The following PHACTR1 variants were observed in gnomAD, a reference collection of about 807,000 sequenced individuals.
The protein encoded by PHACTR1 is phosphatase and actin regulator 1.
Under a neutral mutation model 69.2 loss-of-function variants are expected in PHACTR1, and 16 were observed. That is an observed-to-expected ratio of 0.23 (90% CI 0.16 to 0.35). The LOEUF is 0.35. Among genes scored for constraint, PHACTR1 ranks in the 10% least tolerant of loss-of-function variants. The pLI, the probability that PHACTR1 is intolerant of heterozygous loss-of-function variation, is 1.00. For missense variants in PHACTR1, 510 were observed against 734.7 expected (o/e 0.69, Z 3.54); for synonymous variants, 312 against 284.5 (o/e 1.10, Z -0.97).
chr6:12,733,258 C>A (rs931079446), intron 3 of PHACTR1, among the ~76,000 whole-genome samples: 1 of 152,190 alleles, frequency 6.6e-6, no homozygotes, highest in African/African-American at 2.4e-5. Flanking sequence ...TTAATTAGCT[C>A]ATTTTACAGG....
chr6:12,985,076 T>C (rs985167429), intron 4 of PHACTR1, among the ~76,000 whole-genome samples: 10 of 152,242 alleles, frequency 6.6e-5, no homozygotes, highest in African/African-American at 2.4e-4. Context: ...TACAATTTCA[T>C]CCAACTGAAA....
chr6:13,021,143 C>T (rs1338379183), intron 4 of PHACTR1, among the ~76,000 whole-genome samples: 7 of 152,130 alleles, frequency 4.6e-5, no homozygotes, highest in African/African-American at 1.7e-4. Flanking sequence ...ACTCTGTTCC[C>T]CTTAACCTAT....
chr6:13,044,605 G>A (rs956620959), intron 4 of PHACTR1, among the ~76,000 whole-genome samples: 2 of 152,128 alleles, frequency 1.3e-5, no homozygotes, highest in African/African-American at 4.8e-5. Flanking sequence ...AGTGCGAGGA[G>A]AGGAGGAGTG....
At chr6:13,121,645 A>G (rs1322528920) in intron 5 of PHACTR1, among the ~76,000 whole-genome samples, 3 of 152,186 alleles carry the variant, frequency 2.0e-5, no homozygotes, top group Admixed American at 6.5e-5. Flanking sequence ...AAGGGACTCA[A>G]GGTACATTTT....
chr6:12,908,268 A>G (rs1785971582), intron 4 of PHACTR1, among the ~76,000 whole-genome samples: 1 of 152,212 alleles, frequency 6.6e-6, no homozygotes, highest in African/African-American at 2.4e-5. Flanking sequence ...TTGCTTCTCC[A>G]GACCAAACTT....
At chr6:13,149,751 A>G (rs1403559215) in intron 5 of PHACTR1, among the ~76,000 whole-genome samples, 4 of 152,090 alleles carry the variant, frequency 2.6e-5, no homozygotes, top group Non-Finnish European at 5.9e-5. Flanking sequence ...CCTGGGCCAC[A>G]TGCAGCCCAA....
chr6:13,177,047 A>G (rs1364092385), intron 6 of PHACTR1, among the ~76,000 whole-genome samples: 1 of 151,850 alleles, frequency 6.6e-6, no homozygotes, highest in Non-Finnish European at 1.5e-5. Flanking sequence ...CTTCCTTCAT[A>G]CAATATTTTA....
intron 5 of PHACTR1, among the ~76,000 whole-genome samples, chr6:13,076,208 A>G (rs1429572364): frequency 2.0e-5 from 3 of 152,198 alleles, no homozygotes; most frequent in Admixed American, 2.0e-4. Flanking sequence ...AGCACACACT[A>G]ATGGAAGAAA....
intron 4 of PHACTR1, among the ~76,000 whole-genome samples, chr6:12,782,412 C>T (rs2127645705): frequency 6.6e-6 from 1 of 152,180 alleles, no homozygotes; most frequent in East Asian, 1.9e-4. Flanking sequence ...AATGTCAGGC[C>T]ATAAGGAGGC....
chr6:12,987,780 C>T (rs979727776), intron 4 of PHACTR1, among the ~76,000 whole-genome samples: 23 of 152,158 alleles, frequency 1.5e-4, no homozygotes, highest in African/African-American at 4.6e-4. Flanking sequence ...TTTAGAAGGG[C>T]GAAGATTTGC....
At chr6:12,844,634 T>G (rs1216965696) in intron 4 of PHACTR1, among the ~76,000 whole-genome samples, 1 of 152,098 alleles carries the variant, frequency 6.6e-6, no homozygotes, top group Non-Finnish European at 1.5e-5. Flanking sequence ...AATTTATTAC[T>G]ATCTGCAAAC....
At chr6:13,226,954 T>G (rs1397335970) in intron 8 of PHACTR1, among the ~76,000 whole-genome samples, 1 of 152,136 alleles carries the variant, frequency 6.6e-6, no homozygotes, top group African/African-American at 2.4e-5. Flanking sequence ...GCCAGGATGG[T>G]CTCGATCTCT....
rs1311928498 is a variant in PHACTR1 at position 13,271,844 on chromosome 6, T to C, written c.1392-1016T>C. 2.0e-5 allele frequency among the ~76,000 whole-genome samples: 3 copies of C among 152,142 alleles called. No homozygotes were observed. The East Asian group carries it at 5.8e-4, about 29-fold the overall frequency. ...GGATCTCTCTTTAGATTTCAAGATG[T>C]GAACATCTTGCCGACTATAGACACC... On this transcript the variant is annotated intron_variant, in intron 10 of 14. Transcript: ENST00000332995.
At position 13,286,241 on chromosome 6, in the gene PHACTR1, T is replaced by C. The variant is rs768613490; in HGVS notation, c.1727+19T>C. On this transcript the variant is annotated intron_variant, in intron 14 of 14. Coordinates refer to ENST00000332995, the MANE Select transcript of PHACTR1 (RefSeq NM_030948.6). ...TAACAAGGTTAGTATTAAGGGTTTT[T>C]TTTTTCCTTTTTTTCCCTCAAGTTG... The C allele has an allele frequency of 1.3e-6, 2 of 1,522,720 alleles. No homozygotes were observed. The highest frequency in any genetic ancestry group is 1.4e-5 in the African/African-American group (1 of 71,212). 94.3% of individuals were successfully genotyped at this position (1,522,720 alleles called of 1,614,324 possible). A position where few individuals can be genotyped will look rare whatever the true frequency, so the allele number is the denominator to read the frequency against.
Position 12,845,428 on chromosome 6 carries a change from CA to C in PHACTR1, c.250+95639del, listed in dbSNP as rs1229604792. On this transcript the variant is annotated intron_variant, in intron 4 of 14. Coordinates refer to ENST00000332995, the MANE Select transcript of PHACTR1 (RefSeq NM_030948.6). ...CCAAGATGTCATTGTGAACACCACC[CA>C]CCCCCCCCCCCCCCGCCCTCCGTGC... Among the ~76,000 whole-genome samples, 164 of 34,606 alleles carry C rather than the reference CA, an allele frequency of 4.7e-3. 1 individual carries two copies. Among genetic ancestry groups the C allele is most frequent in the African/African-American group, 0.013 (120 of 9,494 alleles). The allele number at this position is 34,606 out of a possible 152,430, so 22.7% of individuals were successfully genotyped here.
chr6:12,749,624 C>A lies in PHACTR1; in HGVS notation c.104-20C>A. 1 of 1,593,814 alleles carries A rather than the reference C, an allele frequency of 6.3e-7. No homozygotes were observed. The highest frequency in any genetic ancestry group is 8.6e-7 in the Non-Finnish European group (1 of 1,169,204). On this transcript the variant is annotated intron_variant, in intron 3 of 14. Coordinates refer to ENST00000332995, the MANE Select transcript of PHACTR1 (RefSeq NM_030948.6). ...CCTTCCGCCTCTCTCCCTCTCCCTC[C>A]GTCTCCTTCTCCCTCTCAGCTCGCC...
intron 5 of PHACTR1, among the ~76,000 whole-genome samples, chr6:13,107,351 A>G (rs1460986146): frequency 6.6e-6 from 1 of 152,194 alleles, no homozygotes; most frequent in East Asian, 1.9e-4. Flanking sequence ...GGCTCAAGGA[A>G]TCCTCCCACC....
chr6:13,108,539 T>A (rs1369065619), intron 5 of PHACTR1, among the ~76,000 whole-genome samples: 1 of 152,102 alleles, frequency 6.6e-6, no homozygotes, highest in Admixed American at 6.5e-5. Context: ...TGTTTTCAAA[T>A]TCTGTTGTTT....
chr6:13,150,136 C>T (rs1185114191), intron 5 of PHACTR1, among the ~76,000 whole-genome samples: 2 of 152,098 alleles, frequency 1.3e-5, no homozygotes, highest in East Asian at 1.9e-4. Context: ...CATTTGAGCC[C>T]AGGAGTTCGA....
Sources: allele counts gnomAD v4.1 joint callset (sites outside exome capture counted in the v4.1 genomes callset), GRCh38; gene constraint gnomAD v4.1.1; transcripts MANE v1.5; gene names NCBI Gene and HGNC (gene_info 2026-07-23, HGNC 2026-07-21).